EPHB1: variants seen among roughly 807,000 people sequenced by gnomAD.
EPHB1 encodes EPH receptor B1, also known as ephrin type-B receptor 1.
A neutral mutation model predicts 94.4 loss-of-function variants in EPHB1; 30 were observed. That is an observed-to-expected ratio of 0.32 (90% CI 0.24 to 0.43). The LOEUF is 0.43. EPHB1 is among the 20% of genes least tolerant of loss of function. EPHB1 has a pLI of 1.00. For synonymous variants in EPHB1, 522 were observed against 489.1 expected (o/e 1.07, Z -0.89); for missense variants, 1,055 against 1,308.3 (o/e 0.81, Z 2.99).
At chr3:134,952,193 G>C (rs569057825) in intron 3 of EPHB1, 141 bp downstream of exon 3, 2 of 850,752 alleles carry the variant, frequency 2.4e-6, no homozygotes, top group South Asian at 1.9e-5. Flanking sequence ...CCCATTCCTA[G>C]TGCTAGGCCT....
At chr3:135,160,763 T>C (rs1271804402) in intron 6 of EPHB1, among the ~76,000 whole-genome samples, 9 of 152,140 alleles carry the variant, frequency 5.9e-5, no homozygotes. Flanking sequence ...TGACAGTGTG[T>C]AGACAGTCCA....
At chr3:135,154,054 G>A in intron 5 of EPHB1, 98 bp from the exon 6 acceptor site, 1 of 1,525,812 alleles carries the variant, frequency 6.6e-7, no homozygotes, top group Non-Finnish European at 8.9e-7. Flanking sequence ...CAGAGTTCAA[G>A]CCGAATGCCA....
chr3:135,178,759 C>T (rs13324388), intron 9 of EPHB1, among the ~76,000 whole-genome samples: 8,754 of 152,166 alleles, frequency 0.058, 393 homozygotes, highest in East Asian at 0.23. Flanking sequence ...GTCACTGCAC[C>T]TGGAGCAGTG....
At chr3:134,816,770 A>C (rs1234401844) in intron 1 of EPHB1, among the ~76,000 whole-genome samples, 3 of 151,868 alleles carry the variant, frequency 2.0e-5, no homozygotes, top group African/African-American at 7.3e-5. Flanking sequence ...TGTTCTAAGC[A>C]GCTTAGAAAA....
chr3:135,170,157 T>C (rs1382166051), intron 9 of EPHB1, among the ~76,000 whole-genome samples: 1 of 152,208 alleles, frequency 6.6e-6, no homozygotes, highest in Non-Finnish European at 1.5e-5. Flanking sequence ...CTTTCTTGCC[T>C]GCAGGCAAGG....
At chr3:135,234,363 C>A (rs1211056586) in intron 12 of EPHB1, among the ~76,000 whole-genome samples, 3 of 149,734 alleles carry the variant, frequency 2.0e-5, no homozygotes, top group African/African-American at 7.3e-5. Flanking sequence ...GCCTGGACTT[C>A]GCTGTCCATA....
At chr3:135,017,500 G>A (rs1025348178) in intron 3 of EPHB1, among the ~76,000 whole-genome samples, 1 of 152,122 alleles carries the variant, frequency 6.6e-6, no homozygotes, top group Non-Finnish European at 1.5e-5. Context: ...AAGTGGAGTA[G>A]GCAGGGGAAT....
intron 1 of EPHB1, among the ~76,000 whole-genome samples, chr3:134,875,397 A>G (rs933625936): frequency 2.6e-5 from 4 of 152,176 alleles, no homozygotes; most frequent in Admixed American, 1.3e-4. Context: ...GGAGACGGGC[A>G]TGTGGGCAGT....
At chr3:135,137,489 C>T (rs1940662903) in intron 5 of EPHB1, among the ~76,000 whole-genome samples, 1 of 152,196 alleles carries the variant, frequency 6.6e-6, no homozygotes, top group African/African-American at 2.4e-5. Context: ...TACTGCCAAG[C>T]ATGCTCTGTT....
intron 1 of EPHB1, among the ~76,000 whole-genome samples, chr3:134,916,205 A>G (rs1036495527): frequency 1.3e-5 from 2 of 152,200 alleles, no homozygotes; most frequent in Non-Finnish European, 2.9e-5. Flanking sequence ...AGCTAGATAC[A>G]GAGTGCTGAT....
intron 1 of EPHB1, among the ~76,000 whole-genome samples, chr3:134,874,301 G>A (rs1354832085): frequency 6.6e-6 from 1 of 152,132 alleles, no homozygotes; most frequent in Non-Finnish European, 1.5e-5. Flanking sequence ...TCACTCATAA[G>A]TGGGAGTTGA....
At chr3:135,136,417 G>T (rs1353238254) in intron 5 of EPHB1, among the ~76,000 whole-genome samples, 1 of 152,138 alleles carries the variant, frequency 6.6e-6, no homozygotes, top group East Asian at 1.9e-4. Context: ...CAGTCCAAAG[G>T]CAGTGGCAGA....
At chr3:134,932,043 G>T (rs1451507524) in intron 2 of EPHB1, among the ~76,000 whole-genome samples, 3 of 151,998 alleles carry the variant, frequency 2.0e-5, no homozygotes, top group African/African-American at 7.3e-5. Flanking sequence ...GTGTGTGTGT[G>T]TGTGTGTATG....
chr3:135,132,685 C>T (rs2107687065), intron 4 of EPHB1, 29 bp from the exon 5 acceptor site: 1 of 1,541,294 alleles, frequency 6.5e-7, no homozygotes, highest in Non-Finnish European at 8.8e-7. Flanking sequence ...TATGTCTAGC[C>T]TCACTGGACC....
chr3:135,220,526 A>G (rs1431300116), intron 12 of EPHB1, among the ~76,000 whole-genome samples: 2 of 151,868 alleles, frequency 1.3e-5, no homozygotes, highest in East Asian at 1.9e-4. Flanking sequence ...GCTCAAAGCC[A>G]TGGATTCTGC....
intron 1 of EPHB1, among the ~76,000 whole-genome samples, chr3:134,894,848 C>A (rs949449280): frequency 6.6e-6 from 1 of 152,228 alleles, no homozygotes; most frequent in Admixed American, 6.5e-5. Context: ...ACATCTCCTT[C>A]TGTTGGTTTT....
intron 5 of EPHB1, among the ~76,000 whole-genome samples, chr3:135,148,648 A>G (rs1941092791): frequency 6.6e-6 from 1 of 152,214 alleles, no homozygotes; most frequent in Non-Finnish European, 1.5e-5. Context: ...CCTGTAATTT[A>G]TTCACATCTC....
chr3:134,821,344 T>C (rs1375436341), intron 1 of EPHB1, among the ~76,000 whole-genome samples: 5 of 152,028 alleles, frequency 3.3e-5, no homozygotes, highest in African/African-American at 9.7e-5. Flanking sequence ...GTTCCAGTCA[T>C]GTTGACACAT....
chr3:135,021,190 T>C (rs184893865), intron 3 of EPHB1, among the ~76,000 whole-genome samples: 44 of 152,330 alleles, frequency 2.9e-4, no homozygotes, highest in African/African-American at 9.4e-4. Context: ...TAGAATTATT[T>C]TGTCACATCT....
Sources: gnomAD v4.1 joint callset for allele counts (sites outside exome capture counted in the v4.1 genomes callset) on GRCh38, gnomAD v4.1.1 for gene constraint, MANE v1.5 for transcripts, NCBI Gene and HGNC (gene_info 2026-07-23, HGNC 2026-07-21) for gene names.